The following LRP1 variants were observed in gnomAD, a reference collection of about 807,000 sequenced individuals.
The protein encoded by LRP1 is prolow-density lipoprotein receptor-related protein 1.
A neutral mutation model predicts 541.5 loss-of-function variants in LRP1; 51 were observed. The ratio of observed to expected loss-of-function variants is 0.09; its 90% confidence interval spans 0.08 to 0.12. The LOEUF (loss-of-function observed/expected upper bound fraction) is 0.12. Ranked by LOEUF, LRP1 falls within the 10% of genes least tolerant of loss-of-function variation. The pLI is 1.00. For synonymous variants in LRP1, 2,219 were observed against 2,470.8 expected, an observed-to-expected ratio of 0.90 and a Z score of 3.02; for missense variants, 3,878 against 6,376.2, an observed-to-expected ratio of 0.61 and a Z score of 13.34.
At chr12:57,141,321 C>G in intron 2 of LRP1, 53 bp from the exon 3 acceptor site, 3 of 1,609,386 alleles carry the variant, frequency 1.9e-6, no homozygotes, top group Non-Finnish European at 1.7e-6. Flanking sequence ...AACAGCTGAC[C>G]AGAGAGCCAC....
Position 57,201,939 on chromosome 12 carries a change from T to C in LRP1, c.10594+34T>C, listed in dbSNP as rs964784031. On this transcript the variant is annotated intron_variant, in intron 67 of 88. Transcript: ENST00000243077. The surrounding 1 kb of genome is among the most constrained non-coding windows in gnomAD (Gnocchi z 6.4). ...AGACCCCACTCCAGGAGGAAGACAG[T>C]CTACCTGGGTGGGAGGCATGGCACC... 6.2e-7 allele frequency: 1 copy of C among 1,612,426 alleles called. No individual in the cohort carries two copies. Among genetic ancestry groups the C allele is most frequent in the Admixed American group, 1.7e-5 (1 of 59,982 alleles).
In LRP1 at chr12:57,156,751, C is replaced by G; in HGVS notation, c.1418-26C>G. The G allele has an allele frequency of 6.3e-7, 1 of 1,589,828 alleles. No individual in the cohort carries two copies. Among genetic ancestry groups the G allele is most frequent in the Non-Finnish European group, 8.6e-7 (1 of 1,162,970 alleles). On this transcript the variant is annotated intron_variant, in intron 9 of 88. Coordinates refer to ENST00000243077, the MANE Select transcript of LRP1 (RefSeq NM_002332.3). The surrounding 1 kb of genome is among the most constrained non-coding windows in gnomAD (Gnocchi z 5.2). ...CCTGGCACAGGGGCTCTGAGGGGTC[C>G]TAACAGCTCTTCACCCTGCCCCCAG...
rs374169041 is a variant in LRP1, at chr12:57,143,700, G to A, written c.350G>A (p.Arg117His). 31 of 1,613,886 alleles carry A rather than the reference G, an allele frequency of 1.9e-5. No homozygotes were observed. The highest frequency in any genetic ancestry group is 2.4e-5 in the Non-Finnish European group (28 of 1,179,908). The change falls in exon 4 of 89, where the codon CGC becomes CAC. Residue 117 changes from arginine (R) to histidine (H), a missense_variant. By Grantham distance (29) the Arg-to-His change is conservative. Transcript: ENST00000243077. ...HCRELQGNCS[R>H]LGCQHHCVPT... The stretch of plus-strand genomic sequence containing the variant: ...ACAGAGCTCCAAGGCAACTGCTCTC[G>A]CCTGGGCTGCCAGCACCATTGTGTC...
In LRP1 at chr12:57,175,678, C is replaced by A; in HGVS notation, c.3766C>A (p.Pro1256Thr). ...CTGCTACGAGGGCTGGGTCCTGGAA[C>A]CTGACGGCGAGAGCTGCCGCAGCCT... is the stretch of plus-strand genomic sequence containing the variant. Reference protein sequence around the residue: ...CSCYEGWVLEPDGESCRSLDP... With the variant: ...CSCYEGWVLETDGESCRSLDP... Residue 1256 changes from proline (P) to threonine (T), a missense_variant, in exon 23 of 89, where the codon CCT becomes ACT. Around this residue, in one of 13 missense-constraint regions of LRP1, gnomAD observed 320 missense variants for 547.9 expected, o/e 0.58. Transcript: ENST00000243077. 1 of 1,580,188 alleles carries A rather than the reference C, an allele frequency of 6.3e-7. No individual in the cohort carries two copies. The highest frequency in any genetic ancestry group is 8.6e-7 in the Non-Finnish European group (1 of 1,161,110).
Position 57,205,606 on chromosome 12 carries a change from A to C in LRP1, c.11519A>C (p.Asn3840Thr). ...RFGTCSQLCN[N>T]TKGGHLCSCA... ...GGCACCTGCTCCCAGCTCTGCAACA[A>C]CACCAAGGGCGGCCACCTCTGCAGC... The change falls in exon 75 of 89, where the codon AAC becomes ACC. Residue 3840 changes from asparagine (N) to threonine (T), a missense_variant. This residue lies in a region of LRP1 where 871 missense variants were observed against 1,212.4 expected (regional missense o/e 0.72). Coordinates refer to ENST00000243077, the MANE Select transcript of LRP1 (RefSeq NM_002332.3). The surrounding 1 kb of genome is among the most constrained non-coding windows in gnomAD (Gnocchi z 4.6). The C allele has an allele frequency of 6.2e-7, 1 of 1,613,894 alleles. No homozygotes were observed. Among genetic ancestry groups the C allele is most frequent in the Non-Finnish European group, 8.5e-7 (1 of 1,180,018 alleles).
Position 57,211,624 on chromosome 12 carries a change from A to G in LRP1, c.13193+36A>G. On this transcript the variant is annotated intron_variant, in intron 85 of 88. Transcript: ENST00000243077. The surrounding 1 kb of genome is among the most constrained non-coding windows in gnomAD (Gnocchi z 4.3). The stretch of plus-strand genomic sequence containing the variant: ...CCCGGGCTTCACCCAGGCATAGATC[A>G]TCGCTCCCTTCCCCAGATTTGAGCA... 6.2e-7 allele frequency: 1 copy of G among 1,608,862 alleles called. No homozygotes were observed. The highest frequency in any genetic ancestry group is 8.5e-7 in the Non-Finnish European group (1 of 1,175,376).
chr12:57,169,236 A>G lies in LRP1; in HGVS notation c.3092A>G (p.His1031Arg). 1 of 1,613,946 alleles carries G rather than the reference A, an allele frequency of 6.2e-7. No individual in the cohort carries two copies. Among genetic ancestry groups the G allele is most frequent in the Non-Finnish European group, 8.5e-7 (1 of 1,179,950 alleles). ...KCNSGRCIPE[H>R]WTCDGDNDCG... ...AACAGCGGGCGTTGCATCCCCGAGC[A>G]CTGGACCTGCGATGGGGACAATGAC... Residue 1031 changes from histidine to arginine, a missense_variant, in exon 20 of 89, where the codon CAC becomes CGC. His to Arg is a conservative substitution (Grantham distance 29). Coordinates refer to ENST00000243077, the MANE Select transcript of LRP1 (RefSeq NM_002332.3).
Position 57,206,691 on chromosome 12 carries a change from A to G in LRP1, c.11809A>G (p.Thr3937Ala), listed in dbSNP as rs866951805. ...CCTGCCACCTGCTGCGCCTCCTACC[A>G]CTTCCAACCGCCACCGGCGACAGAT... Reference protein sequence around the residue: ...RSLPPAAPPTTSNRHRRQIDR... With the variant: ...RSLPPAAPPTASNRHRRQIDR... Residue 3937 changes from threonine to alanine, a missense_variant, in exon 76 of 89, where the codon ACT (threonine) becomes GCT (alanine). This residue lies in a region of LRP1 where 871 missense variants were observed against 1,212.4 expected (regional missense o/e 0.72). Transcript: ENST00000243077. This position sits in a 1 kb window ranked among gnomAD's most constrained non-coding sequence, Gnocchi z 4.7. The G allele has an allele frequency of 3.7e-6, 6 of 1,613,254 alleles. No homozygotes were observed. The South Asian group carries it at 4.4e-5, about 12-fold the overall frequency.
In LRP1 at chr12:57,211,457, C is replaced by T. The variant is rs369738282; in HGVS notation, c.13092-30C>T. The T allele has an allele frequency of 3.3e-5, 53 of 1,611,828 alleles. No individual in the cohort carries two copies. In the African/African-American group the frequency reaches 6.5e-4, roughly 20 times the overall value. On this transcript the variant is annotated intron_variant, in intron 84 of 88. Coordinates refer to ENST00000243077, the MANE Select transcript of LRP1 (RefSeq NM_002332.3). The surrounding 1 kb of genome is among the most constrained non-coding windows in gnomAD (Gnocchi z 4.3). The stretch of plus-strand genomic sequence containing the variant: ...CATCCCAGGCACGCCTCTGCCAGCC[C>T]CAGCCCCAGCCTCTGATTCCTTCCT...
rs769778868 is a variant in LRP1, at chr12:57,150,189, CT to C, written c.842-3999del. ...GAGCCTGTAACAGGAAAACTTCCTTCTTTTTTTTTTTTTTTTTTTTGAGATG... is the reference window on the plus strand; with the variant it reads ...GAGCCTGTAACAGGAAAACTTCCTTCTTTTTTTTTTTTTTTTTTTGAGATG... On this transcript the variant is annotated intron_variant, in intron 6 of 88. Transcript: ENST00000243077. The C allele has an allele frequency of 4.9e-3, 453 of 92,852 alleles. 11 individuals are homozygous for C. Among genetic ancestry groups the C allele is most frequent in the African/African-American group, 0.02 (396 of 19,480 alleles). 5.8% of individuals were successfully genotyped at this position (92,852 alleles called of 1,614,324 possible).
chr12:57,192,524 C>T (rs1444606209), intron 44 of LRP1, among the ~76,000 whole-genome samples: 1 of 152,168 alleles, frequency 6.6e-6, no homozygotes, highest in Non-Finnish European at 1.5e-5. Context: ...AGGTGTCTCC[C>T]ATGCGCCCTG....
Position 57,176,109 on chromosome 12 carries a change from GACC to G in LRP1, c.3991+7_3991+9del. On this transcript the variant is annotated splice_donor_5th_base_variant and intron_variant, in intron 24 of 88. Transcript: ENST00000243077. ...CGGGAAGCTGCTGGACAACGGAGGTGACCACCGATTGCTGCCAGGCAGGATGCA... is the reference window on the plus strand; with the variant it reads ...CGGGAAGCTGCTGGACAACGGAGGTGACCGATTGCTGCCAGGCAGGATGCA... 6.2e-7 allele frequency: 1 copy of G among 1,613,708 alleles called. No homozygotes were observed. The highest frequency in any genetic ancestry group is 8.5e-7 in the Non-Finnish European group (1 of 1,180,014).
Position 57,173,925 on chromosome 12 carries a change from G to C in LRP1, c.3492G>C (p.Lys1164Asn). Reference protein sequence around the residue: ...NNTSVCLPPDKLCDGNDDCGD... With the variant: ...NNTSVCLPPDNLCDGNDDCGD... ...CCTCAGTCTGCCTGCCCCCTGACAA[G>C]CTGTGTGATGGCAACGACGACTGTG... The change falls in exon 22 of 89, where the codon AAG becomes AAC. Residue 1164 changes from lysine to asparagine, a missense_variant. Lys to Asn is a moderately conservative substitution (Grantham distance 94). Coordinates refer to ENST00000243077, the MANE Select transcript of LRP1 (RefSeq NM_002332.3). The surrounding 1 kb of genome is among the most constrained non-coding windows in gnomAD (Gnocchi z 4.7). 2 of 1,614,238 alleles carry C rather than the reference G, an allele frequency of 1.2e-6. No individual in the cohort carries two copies. The highest frequency in any genetic ancestry group is 1.7e-6 in the Non-Finnish European group (2 of 1,180,052).
chr12:57,175,343 G>T, intron 22 of LRP1, 117 bp from the exon 23 acceptor site: 1 of 1,223,580 alleles, frequency 8.2e-7, no homozygotes, highest in South Asian at 1.3e-5. Context: ...ATGGGGCCGT[G>T]GGCAGGGCAC....
At chr12:57,202,592 C>G in intron 68 of LRP1, 55 bp downstream of exon 68, 2 of 1,302,548 alleles carry the variant, frequency 1.5e-6, no homozygotes, top group Non-Finnish European at 2.1e-6. Flanking sequence ...TGGCCCTTGT[C>G]TCGCGGCCCT....
At chr12:57,190,678 T>A in intron 42 of LRP1, 127 bp from the exon 43 acceptor site, 2 of 744,254 alleles carry the variant, frequency 2.7e-6, no homozygotes, top group Non-Finnish European at 2.3e-6. Context: ...ACTGCTGGCC[T>A]CTATGGCTCT....
chr12:57,152,584 C>A (rs1341820239), intron 6 of LRP1, among the ~76,000 whole-genome samples: 3 of 152,210 alleles, frequency 2.0e-5, no homozygotes, highest in Non-Finnish European at 2.9e-5. Flanking sequence ...CTGCACTAGG[C>A]CCTCTTCCTA....
intron 6 of LRP1, 80 bp downstream of exon 6, chr12:57,145,570 C>T (rs563701499): frequency 1.5e-5 from 23 of 1,534,066 alleles, no homozygotes; most frequent in African/African-American, 4.1e-5. Flanking sequence ...GAACAGAGGC[C>T]GGGAGTTACA....
At chr12:57,208,466 C>T (rs2036834801) in intron 77 of LRP1, 2 of 596,794 alleles carry the variant, frequency 3.4e-6, no homozygotes. Context: ...TGCACAGCCA[C>T]ACTCTGCCCT....
Sources: allele counts gnomAD v4.1 joint callset (sites outside exome capture counted in the v4.1 genomes callset), GRCh38; gene constraint gnomAD v4.1.1; regional missense constraint gnomAD v4.1.1; non-coding constraint Gnocchi (gnomAD v3.1); transcripts MANE v1.5; gene names NCBI Gene and HGNC (gene_info 2026-07-23, HGNC 2026-07-21).